FAM227A: variants seen among roughly 807,000 people sequenced by gnomAD.
FAM227A encodes family with sequence similarity 227 member A.
Under a neutral mutation model 74.7 loss-of-function variants are expected in FAM227A, and 80 were observed. The observed-to-expected ratio is 1.07, with a 90% CI of 0.89 to 1.29. The LOEUF (loss-of-function observed/expected upper bound fraction) is 1.29. FAM227A is among the 50% of genes most tolerant of loss of function. The probability of loss-of-function intolerance (pLI) is 0.00; values close to 1 mark genes in which losing one functional copy is unlikely to be tolerated. For synonymous variants in FAM227A, 237 were observed against 241.8 expected, an observed-to-expected ratio of 0.98 and a Z score of 0.19; for missense variants, 654 against 683.4, an observed-to-expected ratio of 0.96 and a Z score of 0.48.
intron 10 of FAM227A, 123 bp downstream of exon 10, chr22:38,623,049 T>TG: frequency 1.5e-6 from 1 of 671,778 alleles, no homozygotes. Context: ...GTGGCTAATT[T>TG]GGGGGTACCC....
intron 15 of FAM227A, among the ~76,000 whole-genome samples, 151 bp from the exon 16 acceptor site, chr22:38,591,691 T>C (rs2090940255): frequency 6.6e-6 from 1 of 152,164 alleles, no homozygotes; most frequent in Non-Finnish European, 1.5e-5. Context: ...GCACAGATTC[T>C]AAGTGTGCAG....
At chr22:38,598,375 A>G (rs2091096045) in intron 14 of FAM227A, among the ~76,000 whole-genome samples, 1 of 152,198 alleles carries the variant, frequency 6.6e-6, no homozygotes. Flanking sequence ...TGCACATAAG[A>G]TCTCAAAGCC....
chr22:38,650,392 G>T (rs372665201), intron 1 of FAM227A, 130 bp from the exon 2 acceptor site: 4 of 528,486 alleles, frequency 7.6e-6, no homozygotes, highest in Non-Finnish European at 1.4e-5. Context: ...AAAGGGTTCC[G>T]TCTGAGAAGC....
At chr22:38,605,827 T>C (rs528118122) in intron 12 of FAM227A, among the ~76,000 whole-genome samples, 25 of 152,188 alleles carry the variant, frequency 1.6e-4, no homozygotes, top group Admixed American at 9.2e-4. Flanking sequence ...CCCAAGCTTT[T>C]TCTTTAAAAG....
chr22:38,641,569 C>A (rs1177549945), intron 3 of FAM227A, among the ~76,000 whole-genome samples: 138 of 130,710 alleles, frequency 1.1e-3, no homozygotes, highest in South Asian at 4.6e-3. Flanking sequence ...AAAAAAAAAA[C>A]AAAACAAAGA....
rs1027329889 is a variant in FAM227A, at chr22:38,582,749, T to C, written c.*3376A>G. 2.0e-5 allele frequency: 27 copies of C among 1,380,212 alleles called. No homozygotes were observed. Among genetic ancestry groups the C allele is most frequent in the Non-Finnish European group, 2.5e-5 (25 of 1,000,362 alleles). 85.5% of individuals were successfully genotyped at this position (1,380,212 alleles called of 1,614,324 possible). A position where few individuals can be genotyped will look rare whatever the true frequency, so the allele number is the denominator to read the frequency against. Reference sequence around the variant, plus strand: ...GACCTTCTTGCTGTATGGGGGCTAATAGTAGCGGTGGATAGGTAGACAGGC... The same window carrying C: ...GACCTTCTTGCTGTATGGGGGCTAACAGTAGCGGTGGATAGGTAGACAGGC... On this transcript the variant is annotated 3_prime_UTR_variant, in exon 17 of 17. Coordinates refer to ENST00000535113, the MANE Select transcript of FAM227A (RefSeq NM_001013647.2).
At chr22:38,606,939 G>C (rs1020247558) in intron 12 of FAM227A, among the ~76,000 whole-genome samples, 1 of 152,188 alleles carries the variant, frequency 6.6e-6, no homozygotes, top group Non-Finnish European at 1.5e-5. Context: ...AGCACTTTGA[G>C]AGGCCGAGGC....
chr22:38,640,139 T>C (rs978483147), intron 3 of FAM227A, among the ~76,000 whole-genome samples: 2 of 152,030 alleles, frequency 1.3e-5, no homozygotes, highest in African/African-American at 4.8e-5. Context: ...GTTCACCCCA[T>C]TCTCCTGCCT....
At chr22:38,639,806 T>C (rs1485009615) in intron 3 of FAM227A, 82 bp from the exon 4 acceptor site, 1 of 967,610 alleles carries the variant, frequency 1.0e-6, no homozygotes, top group Non-Finnish European at 1.6e-6. Flanking sequence ...AGGCGTTTCC[T>C]CTTGTTGGTG....
intron 3 of FAM227A, among the ~76,000 whole-genome samples, chr22:38,644,659 G>A (rs141087879): frequency 1.3e-5 from 2 of 152,328 alleles, no homozygotes; most frequent in East Asian, 3.9e-4. Context: ...ATGTAGGTCC[G>A]TTAATTCTAA....
At chr22:38,619,850 G>A (rs921826454) in intron 11 of FAM227A, among the ~76,000 whole-genome samples, 1 of 152,096 alleles carries the variant, frequency 6.6e-6, no homozygotes. Context: ...ACATCAATAG[G>A]GCAGAGGAGA....
chr22:38,597,151 T>C, intron 15 of FAM227A, 53 bp downstream of exon 15: 1 of 1,523,838 alleles, frequency 6.6e-7, no homozygotes, highest in Non-Finnish European at 8.9e-7. Flanking sequence ...GATGATCGTG[T>C]GCTGCAAAAG....
chr22:38,616,008 G>A (rs1303003053), intron 11 of FAM227A, among the ~76,000 whole-genome samples: 2 of 152,114 alleles, frequency 1.3e-5, no homozygotes, highest in Admixed American at 6.6e-5. Context: ...GTGGGTCACT[G>A]GCGTATGGGC....
intron 2 of FAM227A, among the ~76,000 whole-genome samples, chr22:38,648,546 G>C (rs1410645032): frequency 1.3e-5 from 2 of 151,420 alleles, no homozygotes; most frequent in Non-Finnish European, 2.9e-5. Context: ...GGTGGAGGTT[G>C]CAGTGAGCCG....
Position 38,582,604 on chromosome 22 carries a change from C to A in FAM227A, c.*3521G>T. The A allele has an allele frequency of 2.7e-6, 2 of 737,330 alleles. No individual in the cohort carries two copies. Among genetic ancestry groups the A allele is most frequent in the Non-Finnish European group, 4.3e-6 (2 of 460,116 alleles). The allele number at this position is 737,330 out of a possible 1,614,324, so 45.7% of individuals were successfully genotyped here. A position where few individuals can be genotyped will look rare whatever the true frequency, so the allele number is the denominator to read the frequency against. On this transcript the variant is annotated 3_prime_UTR_variant, in exon 17 of 17. Coordinates refer to ENST00000535113, the MANE Select transcript of FAM227A (RefSeq NM_001013647.2). ...TCTTCATATTTAACATCCTGAGAGG[C>A]TACAACTCTGAGTCCTCAGTCATTT...
intron 16 of FAM227A, among the ~76,000 whole-genome samples, chr22:38,589,872 G>A (rs1453388107): frequency 6.6e-6 from 1 of 152,108 alleles, no homozygotes; most frequent in Non-Finnish European, 1.5e-5. Flanking sequence ...AGGCCAAGGC[G>A]AGAGGACTGC....
At chr22:38,647,249 G>A (rs568931665) in intron 2 of FAM227A, among the ~76,000 whole-genome samples, 2 of 152,252 alleles carry the variant, frequency 1.3e-5, no homozygotes, top group South Asian at 4.1e-4. Flanking sequence ...TGGATCACTT[G>A]AGGTCAGGAG....
chr22:38,613,095 T>TATAATTATATATATAA (rs1491164705), intron 11 of FAM227A, among the ~76,000 whole-genome samples: 1 of 91,602 alleles, frequency 1.1e-5, no homozygotes, highest in Non-Finnish European at 1.9e-5. Flanking sequence ...TATATATATA[T>TATAATTATATATATAA]TATATATAAT....
In FAM227A at chr22:38,611,353, C is replaced by A. The variant is rs55864005; in HGVS notation, c.1039-3877G>T. 3.3e-3 allele frequency among the ~76,000 whole-genome samples: 509 copies of A among 152,220 alleles called. 1 individual carries two copies. Among genetic ancestry groups the A allele is most frequent in the African/African-American group, 0.012 (495 of 41,518 alleles). ...ACAATCTAGGGATGCCTAGAAATGT[C>A]TGGGTGCGGAGGGAGCTGCGCAGAC... On this transcript the variant is annotated intron_variant, in intron 11 of 16. Transcript: ENST00000535113.
Sources: gnomAD v4.1 joint callset for allele counts (sites outside exome capture counted in the v4.1 genomes callset) on GRCh38, gnomAD v4.1.1 for gene constraint, MANE v1.5 for transcripts, NCBI Gene and HGNC (gene_info 2026-07-23, HGNC 2026-07-21) for gene names.